Variants in PPA2 observed in about 807,000 individuals in gnomAD.
PPA2 encodes the protein inorganic pyrophosphatase 2, mitochondrial.
A neutral mutation model predicts 49.5 loss-of-function variants in PPA2; 48 were observed. The ratio of observed to expected loss-of-function variants is 0.97; its 90% confidence interval spans 0.77 to 1.23. The LOEUF (loss-of-function observed/expected upper bound fraction) is 1.23, where lower values mean the gene tolerates loss of function less well. Ranked by LOEUF, PPA2 falls within the 50% of genes most tolerant of loss-of-function variation. The pLI is 0.00. For synonymous variants in PPA2, 131 were observed against 139.9 expected (o/e 0.94, Z 0.45); for missense variants, 429 against 410.1 (o/e 1.05, Z -0.40).
At chr4:105,409,865 ACAT>A (rs1722670992) in intron 7 of PPA2, among the ~76,000 whole-genome samples, 1 of 152,210 alleles carries the variant, frequency 6.6e-6, no homozygotes, top group East Asian at 1.9e-4. Flanking sequence ...AATAGCATCA[ACAT>A]CAACAAAAAA....
intron 7 of PPA2, among the ~76,000 whole-genome samples, chr4:105,409,317 C>T (rs193209886): frequency 7.9e-5 from 12 of 152,224 alleles, no homozygotes; most frequent in South Asian, 2.1e-4. Flanking sequence ...AGTCTAAGAT[C>T]GGCCTGTGAG....
chr4:105,456,439 T>C (rs1722878710), intron 2 of PPA2: 1 of 471,728 alleles, frequency 2.1e-6, no homozygotes, highest in Admixed American at 3.6e-5. Context: ...TAAATCTTTA[T>C]TTCCTACCGA....
At chr4:105,451,506 A>G (rs1722674635) in intron 3 of PPA2, among the ~76,000 whole-genome samples, 1 of 152,156 alleles carries the variant, frequency 6.6e-6, no homozygotes, top group African/African-American at 2.4e-5. Flanking sequence ...TTCATTTTCT[A>G]TGCTCTTTCA....
At chr4:105,446,144 A>T (rs951209615) in intron 5 of PPA2, 5 of 351,858 alleles carry the variant, frequency 1.4e-5, no homozygotes, top group Non-Finnish European at 2.5e-5. Context: ...ATGTATTCAA[A>T]ATGTCAAATG....
chr4:105,437,124 G>A (rs901634544), intron 6 of PPA2, among the ~76,000 whole-genome samples: 1 of 151,994 alleles, frequency 6.6e-6, no homozygotes, highest in South Asian at 2.1e-4. Flanking sequence ...TAAAAAGTGC[G>A]CAAAGGCCAC....
At chr4:105,473,320 G>C (rs1433887836) in intron 1 of PPA2, 1 of 255,858 alleles carries the variant, frequency 3.9e-6, no homozygotes, top group African/African-American at 2.4e-5. Context: ...ATCACACTCA[G>C]GGTGTAAACT....
intron 1 of PPA2, among the ~76,000 whole-genome samples, chr4:105,457,188 T>C (rs1043367367): frequency 1.2e-4 from 18 of 152,190 alleles, no homozygotes; most frequent in African/African-American, 4.1e-4. Context: ...AAAGTTCCTA[T>C]TCAATTAAAA....
intron 6 of PPA2, among the ~76,000 whole-genome samples, chr4:105,430,661 A>G (rs551633650): frequency 6.6e-6 from 1 of 152,330 alleles, no homozygotes; most frequent in East Asian, 1.9e-4. Context: ...ATAAAAGGAC[A>G]AGATAGAGGC....
intron 7 of PPA2, among the ~76,000 whole-genome samples, chr4:105,413,328 G>A (rs369962797): frequency 4.6e-5 from 7 of 151,912 alleles, no homozygotes; most frequent in Admixed American, 6.6e-5. Context: ...GGGGGGTGGG[G>A]GACTGGGGGA....
chr4:105,423,330 GA>G (rs1426182691), intron 7 of PPA2: 7 of 152,210 alleles, frequency 4.6e-5, no homozygotes, highest in Middle Eastern at 3.4e-3. Flanking sequence ...AGTCATCTTA[GA>G]AATGGTAATA....
At chr4:105,473,678 G>T in intron 1 of PPA2, 1 of 821,984 alleles carries the variant, frequency 1.2e-6, no homozygotes, top group Non-Finnish European at 2.1e-6. Flanking sequence ...TCTGCTCTCC[G>T]CTTTGGGGTC....
chr4:105,397,238 A>G (rs73838081), intron 8 of PPA2, among the ~76,000 whole-genome samples: 2,102 of 152,292 alleles, frequency 0.014, 49 homozygotes, highest in African/African-American at 0.046. Context: ...ACTGAGGTAC[A>G]GTAATAATGG....
At chr4:105,445,186 C>T (rs1363503058) in intron 5 of PPA2, among the ~76,000 whole-genome samples, 1 of 152,172 alleles carries the variant, frequency 6.6e-6, no homozygotes, top group African/African-American at 2.4e-5. Flanking sequence ...TCTCTAGCTC[C>T]TCTACTTACG....
chr4:105,383,057 G>A (rs1194195340), intron 10 of PPA2, among the ~76,000 whole-genome samples: 2 of 152,126 alleles, frequency 1.3e-5, no homozygotes, highest in East Asian at 1.9e-4. Context: ...TTACATACAG[G>A]GTCCTGTTGC....
intron 7 of PPA2, among the ~76,000 whole-genome samples, chr4:105,406,797 T>A (rs565062767): frequency 1.2e-4 from 19 of 152,248 alleles, no homozygotes; most frequent in African/African-American, 4.3e-4. Context: ...ACCTGTACAG[T>A]TCAAACCCAT....
intron 7 of PPA2, among the ~76,000 whole-genome samples, chr4:105,421,451 T>C (rs1309246056): frequency 6.6e-6 from 1 of 152,218 alleles, no homozygotes; most frequent in Admixed American, 6.5e-5. Flanking sequence ...ATTTTATAAT[T>C]TTTAAAATGC....
At chr4:105,448,566 G>A (rs1345788275) in intron 4 of PPA2, among the ~76,000 whole-genome samples, 1 of 148,660 alleles carries the variant, frequency 6.7e-6, no homozygotes, top group Non-Finnish European at 1.5e-5. Context: ...TTCATTTCCC[G>A]GAAAAATTTA....
At chr4:105,395,079 T>TA (rs146163229) in intron 9 of PPA2, among the ~76,000 whole-genome samples, 19 of 148,366 alleles carry the variant, frequency 1.3e-4, no homozygotes, top group Non-Finnish European at 2.5e-4. Context: ...AGATTATGCT[T>TA]AAAAAAAAAA....
chr4:105,424,321 ATCTTT>A lies in PPA2; in HGVS notation c.529-4_529del. ...ATGAATAACTTCTCCACAAGAAAGAATCTTTAAAGAAAAAAGAAATTCACTATTTG... is the reference window on the plus strand; with the variant it reads ...ATGAATAACTTCTCCACAAGAAAGAAAAAGAAAAAAGAAATTCACTATTTG... On this transcript the variant is annotated splice_acceptor_variant and splice_polypyrimidine_tract_variant and coding_sequence_variant and intron_variant, in exon 7 of 12. Transcript: ENST00000341695. LOFTEE classifies it high-confidence loss of function. 1 of 1,583,876 alleles carries A rather than the reference ATCTTT, an allele frequency of 6.3e-7. No individual in the cohort carries two copies. The highest frequency in any genetic ancestry group is 1.2e-5 in the South Asian group (1 of 85,516).
Sources: allele counts gnomAD v4.1 joint callset (sites outside exome capture counted in the v4.1 genomes callset), GRCh38; gene constraint gnomAD v4.1.1; transcripts MANE v1.5; gene names NCBI Gene and HGNC (gene_info 2026-07-23, HGNC 2026-07-21).